MAST4: variants seen among roughly 807,000 people sequenced by gnomAD.
MAST4 encodes the protein microtubule associated serine/threonine kinase family member 4.
Under a neutral mutation model 162.7 loss-of-function variants are expected in MAST4, and 89 were observed. That is an observed-to-expected ratio of 0.55 (90% confidence interval 0.46 to 0.65). MAST4 has a LOEUF of 0.65. Among genes scored for constraint, MAST4 ranks in the 30% least tolerant of loss-of-function variants. The probability of loss-of-function intolerance (pLI) is 0.00; values close to 1 mark genes in which losing one functional copy is unlikely to be tolerated. For synonymous variants in MAST4, 1,479 were observed against 1,361.1 expected, an observed-to-expected ratio of 1.09 and a Z score of -1.91; for missense variants, 3,153 against 3,374.0, an observed-to-expected ratio of 0.93 and a Z score of 1.62.
chr5:67,078,833 T>C lies in MAST4; in HGVS notation c.764-11329T>C, dbSNP rs1581470033. Among the ~76,000 whole-genome samples the C allele has an allele frequency of 2.5e-5, 3 of 121,236 alleles. No individual in the cohort carries two copies. The East Asian group carries it at 6.2e-4, about 25-fold the overall frequency. The allele number at this position is 121,236 out of a possible 152,430, so 79.5% of individuals were successfully genotyped here. On this transcript the variant is annotated intron_variant, in intron 5 of 28. Transcript: ENST00000403625. ...ATTTATATTTTTATATTTATATTTA[T>C]ATATTTAAATATATTTATATATTTA... is the stretch of plus-strand genomic sequence containing the variant.
chr5:66,869,866 C>T (rs1322500645), intron 3 of MAST4, among the ~76,000 whole-genome samples: 3 of 152,140 alleles, frequency 2.0e-5, no homozygotes, highest in Admixed American at 6.5e-5. Context: ...GACCATCTCT[C>T]GGTTGCTTTC....
At chr5:66,680,130 T>G (rs183717378) in intron 1 of MAST4, among the ~76,000 whole-genome samples, 82 of 152,262 alleles carry the variant, frequency 5.4e-4, no homozygotes, top group African/African-American at 1.8e-3. Context: ...AAGATGCACT[T>G]AGACTGGAGG....
At chr5:66,680,643 C>T (rs1163538655) in intron 1 of MAST4, among the ~76,000 whole-genome samples, 2 of 152,154 alleles carry the variant, frequency 1.3e-5, no homozygotes, top group African/African-American at 4.8e-5. Context: ...TGAACAGGGG[C>T]CATACTTCTG....
chr5:66,965,402 G>A (rs1300609441), intron 4 of MAST4, among the ~76,000 whole-genome samples: 1 of 151,606 alleles, frequency 6.6e-6, no homozygotes, highest in East Asian at 1.9e-4. Flanking sequence ...AAAGGCAATA[G>A]GCTATTCAAT....
At chr5:66,768,665 A>C (rs537451388) in intron 2 of MAST4, among the ~76,000 whole-genome samples, 23 of 152,280 alleles carry the variant, frequency 1.5e-4, no homozygotes, top group Non-Finnish European at 2.4e-4. Flanking sequence ...AGGTATGGCT[A>C]TAAAAGGGCA....
At chr5:66,866,313 TCTC>T (rs1760516886) in intron 3 of MAST4, among the ~76,000 whole-genome samples, 1 of 152,154 alleles carries the variant, frequency 6.6e-6, no homozygotes, top group Non-Finnish European at 1.5e-5. Context: ...AATGATCTCT[TCTC>T]CTTACAAGGT....
chr5:66,819,521 G>A lies in MAST4; in HGVS notation c.642+30727G>A, dbSNP rs1464616530. Among the ~76,000 whole-genome samples the A allele has an allele frequency of 1.8e-4, 28 of 152,138 alleles. 2 individuals are homozygous for A. The highest frequency in any genetic ancestry group is 1.8e-3 in the Admixed American group (28 of 15,260). Reference sequence around the variant, plus strand: ...GCTTCAGATCTGTGTTGTAATGCCTGTCAATATAAAGACACAGGTGTAAGA... The same window carrying A: ...GCTTCAGATCTGTGTTGTAATGCCTATCAATATAAAGACACAGGTGTAAGA... On this transcript the variant is annotated intron_variant, in intron 3 of 28. Transcript: ENST00000403625.
chr5:66,864,630 T>C (rs1056958484), intron 3 of MAST4, among the ~76,000 whole-genome samples: 5 of 143,324 alleles, frequency 3.5e-5, no homozygotes, highest in Middle Eastern at 3.2e-3. Flanking sequence ...GATGGTGTTA[T>C]GGGTTGAATT....
intron 4 of MAST4, among the ~76,000 whole-genome samples, chr5:66,976,683 G>C (rs1475084444): frequency 1.3e-5 from 2 of 152,210 alleles, no homozygotes; most frequent in Non-Finnish European, 2.9e-5. Context: ...ATTCAGGAGG[G>C]AGATCTGGAC....
At chr5:67,130,145 T>G (rs1768784867) in intron 14 of MAST4, 65 bp from the exon 15 acceptor site, 2 of 1,434,258 alleles carry the variant, frequency 1.4e-6, no homozygotes, top group Non-Finnish European at 1.9e-6. Flanking sequence ...TATGGTTTAC[T>G]GTATCCCCAA....
At chr5:67,088,439 A>G (rs1409246456) in intron 5 of MAST4, among the ~76,000 whole-genome samples, 2 of 152,232 alleles carry the variant, frequency 1.3e-5, no homozygotes, top group Non-Finnish European at 2.9e-5. Context: ...TCCCAAATGA[A>G]AAACAAAATT....
chr5:66,668,261 A>G (rs1384443538), intron 1 of MAST4, among the ~76,000 whole-genome samples: 1 of 152,216 alleles, frequency 6.6e-6, no homozygotes, highest in Non-Finnish European at 1.5e-5. Context: ...TGGATTTTAT[A>G]CAGAATATTT....
At chr5:66,877,861 A>G (rs182725326) in intron 3 of MAST4, among the ~76,000 whole-genome samples, 2 of 152,342 alleles carry the variant, frequency 1.3e-5, no homozygotes, top group Non-Finnish European at 2.9e-5. Flanking sequence ...AACGTCATGA[A>G]AAACATAAGC....
At chr5:66,993,165 C>T (rs553556634) in intron 4 of MAST4, among the ~76,000 whole-genome samples, 10 of 152,218 alleles carry the variant, frequency 6.6e-5, no homozygotes, top group East Asian at 3.9e-4. Flanking sequence ...TTACTCATTA[C>T]GAAGATTGTC....
chr5:66,977,347 C>T (rs1047481345), intron 4 of MAST4, among the ~76,000 whole-genome samples: 3 of 151,982 alleles, frequency 2.0e-5, no homozygotes, highest in South Asian at 2.1e-4. Flanking sequence ...GTGATCCACC[C>T]GCCTCAGTCT....
chr5:66,818,572 A>G (rs1289382494), intron 3 of MAST4, among the ~76,000 whole-genome samples: 1 of 152,014 alleles, frequency 6.6e-6, no homozygotes, highest in African/African-American at 2.4e-5. Flanking sequence ...TCCTATGTAT[A>G]TCTCCTTGGT....
At chr5:67,076,329 C>T (rs1302935262) in intron 5 of MAST4, among the ~76,000 whole-genome samples, 1 of 152,176 alleles carries the variant, frequency 6.6e-6, no homozygotes, top group Non-Finnish European at 1.5e-5. Flanking sequence ...CTCTTTCATG[C>T]GTGTGCCAGT....
chr5:66,627,332 G>A (rs1266408647), intron 1 of MAST4, among the ~76,000 whole-genome samples: 3 of 152,206 alleles, frequency 2.0e-5, no homozygotes, highest in Non-Finnish European at 4.4e-5. Context: ...GACACATGGA[G>A]ATTATGGGAA....
intron 1 of MAST4, among the ~76,000 whole-genome samples, chr5:66,717,119 T>G (rs1414929545): frequency 6.6e-6 from 1 of 152,086 alleles, no homozygotes; most frequent in African/African-American, 2.4e-5. Flanking sequence ...AGCCTGGACT[T>G]CAGGCTAAGC....
Sources: gnomAD v4.1 joint callset for allele counts (sites outside exome capture counted in the v4.1 genomes callset) on GRCh38, gnomAD v4.1.1 for gene constraint, MANE v1.5 for transcripts, NCBI Gene and HGNC (gene_info 2026-07-23, HGNC 2026-07-21) for gene names.